PYY: variants seen among roughly 807,000 people sequenced by gnomAD.
PYY encodes the protein peptide tyrosine tyrosine.
Under a neutral mutation model 10.3 loss-of-function variants are expected in PYY, and 12 were observed. That is an observed-to-expected ratio of 1.17 (90% confidence interval 0.75 to 1.89). The LOEUF (loss-of-function observed/expected upper bound fraction) is 1.89, where lower values mean the gene tolerates loss of function less well. PYY is among the 40% of genes most tolerant of loss of function. PYY has a pLI of 0.00. For synonymous variants in PYY, 66 were observed against 62.0 expected (o/e 1.06, Z -0.30); for missense variants, 141 against 134.0 (o/e 1.05, Z -0.26).
chr17:43,965,809 AAAAAAAAAGAG>A (rs1332352359), intron 2 of PYY, among the ~76,000 whole-genome samples: 1 of 150,438 alleles, frequency 6.6e-6, no homozygotes, highest in Non-Finnish European at 1.5e-5. Flanking sequence ...AAAAAAAAAA[AAAAAAAAAGAG>A]AGAGAAACAA....
chr17:43,961,897 C>T (rs1383128604), intron 2 of PYY, among the ~76,000 whole-genome samples: 4 of 152,116 alleles, frequency 2.6e-5, no homozygotes, highest in African/African-American at 9.7e-5. Flanking sequence ...TCAGCTATCT[C>T]TTACCACATT....
chr17:43,967,789 C>T (rs141686653), intron 1 of PYY, among the ~76,000 whole-genome samples: 2 of 152,266 alleles, frequency 1.3e-5, no homozygotes, highest in East Asian at 1.9e-4. Context: ...CAGAATTCAA[C>T]GTTCCACTGA....
At chr17:43,988,958 C>T (rs907694322) in intron 1 of PYY, among the ~76,000 whole-genome samples, 2 of 151,970 alleles carry the variant, frequency 1.3e-5, no homozygotes, top group Non-Finnish European at 2.9e-5. Flanking sequence ...GACAGGGTTT[C>T]GCCATGTTGG....
At chr17:43,972,820 G>A (rs759102960) in intron 1 of PYY, among the ~76,000 whole-genome samples, 1 of 152,112 alleles carries the variant, frequency 6.6e-6, no homozygotes, top group Non-Finnish European at 1.5e-5. Context: ...GAGTTCAAGC[G>A]ATTCTCCTGC....
At chr17:43,982,375 C>A (rs1000926071) in intron 1 of PYY, among the ~76,000 whole-genome samples, 1 of 152,214 alleles carries the variant, frequency 6.6e-6, no homozygotes, top group Non-Finnish European at 1.5e-5. Context: ...GCCCTGAATG[C>A]CTGTGTGCAT....
At chr17:43,962,188 G>A (rs1008354162) in intron 2 of PYY, among the ~76,000 whole-genome samples, 4 of 152,172 alleles carry the variant, frequency 2.6e-5, no homozygotes, top group African/African-American at 9.6e-5. Context: ...ATGTGAGCAA[G>A]AGTGATGTGT....
intron 1 of PYY, among the ~76,000 whole-genome samples, chr17:43,976,404 CATATTCATGTATACATATACATATAT>C: frequency 4.3e-5 from 5 of 116,416 alleles, no homozygotes; most frequent in African/African-American, 1.2e-4. Context: ...TACGTATATA[CATATTCATGTATACATATACATATAT>C]ACACATATAC....
intron 1 of PYY, among the ~76,000 whole-genome samples, chr17:43,979,136 T>C (rs1479037703): frequency 6.6e-6 from 1 of 152,162 alleles, no homozygotes; most frequent in Non-Finnish European, 1.5e-5. Flanking sequence ...TTGATGTGTT[T>C]CCAGCAGTTG....
intron 2 of PYY, among the ~76,000 whole-genome samples, chr17:43,965,789 C>CAAAAAAAAAAAAAA (rs67609128): frequency 1.6e-4 from 5 of 31,932 alleles, no homozygotes; most frequent in African/African-American, 2.3e-4. Context: ...ATCCATCTCA[C>CAAAAAAAAAAAAAA]AAAAAAAAAA....
upstream of PYY, among the ~76,000 whole-genome samples, chr17:43,957,196 CAAAA>C (rs60997602): frequency 4.5e-5 from 3 of 66,612 alleles, no homozygotes; most frequent in South Asian, 4.7e-4. Context: ...AAACTGTCTC[CAAAA>C]AAAAAAAAAA....
chr17:43,969,847 A>C (rs71371953), intron 1 of PYY, among the ~76,000 whole-genome samples: 1 of 151,478 alleles, frequency 6.6e-6, no homozygotes, highest in Non-Finnish European at 1.5e-5. Flanking sequence ...GGGTTCAAGC[A>C]ATTCTCTGCC....
At chr17:43,955,913 G>A (rs572988587), upstream of PYY, among the ~76,000 whole-genome samples, 2 of 152,080 alleles carry the variant, frequency 1.3e-5, no homozygotes, top group Non-Finnish European at 2.9e-5. Context: ...CAGGCTAACG[G>A]GGGCAAGGAT....
In PYY at chr17:43,969,092, G is replaced by A. The variant is rs536021335; in HGVS notation, c.-462-2560C>T. 6.6e-5 allele frequency among the ~76,000 whole-genome samples: 10 copies of A among 151,914 alleles called. No homozygotes were observed. In the South Asian group the frequency reaches 2.1e-3, roughly 32 times the overall value. ...CACTGCACTCCAGTCTGGGCGATAG[G>A]GTGTGACTGCATCTCAAAAAGAAAA... On this transcript the variant is annotated intron_variant, in intron 1 of 6. Transcript: ENST00000360085.
chr17:43,985,421 C>A (rs1227104367), intron 1 of PYY, among the ~76,000 whole-genome samples: 3 of 152,116 alleles, frequency 2.0e-5, no homozygotes, highest in Non-Finnish European at 4.4e-5. Flanking sequence ...ACTCATAGAC[C>A]AGGCTGGTCT....
At chr17:44,000,944 C>T (rs995612086) in intron 1 of PYY, among the ~76,000 whole-genome samples, 1 of 152,280 alleles carries the variant, frequency 6.6e-6, no homozygotes, top group East Asian at 1.9e-4. Flanking sequence ...CATTCCTCTA[C>T]GTACAGATGA....
upstream of PYY, among the ~76,000 whole-genome samples, chr17:43,955,840 G>A (rs1178892508): frequency 6.6e-6 from 1 of 152,014 alleles, no homozygotes; most frequent in Non-Finnish European, 1.5e-5. Context: ...AGGATGGAGG[G>A]AGCAGTGGGG....
At chr17:44,001,088 G>C (rs2049023389) in intron 1 of PYY, among the ~76,000 whole-genome samples, 2 of 152,176 alleles carry the variant, frequency 1.3e-5, no homozygotes, top group African/African-American at 4.8e-5. Flanking sequence ...TACTGTGCAT[G>C]TTTGTGTGTG....
In PYY at chr17:43,953,133, C is replaced by A. The variant is rs756237443; in HGVS notation, c.245G>T (p.Gly82Val). ...CCGCGACCTGACGGGGCGGTCCTCG[C>A]CGTCGGGGAAGAACGTTTTGGAAAG... The part of the protein sequence containing the change: ...TLLSKTFFPD[G>V]EDRPVRSRSE... Residue 82 changes from glycine (G) to valine (V), a missense_variant, in exon 3 of 4, where the codon GGC (glycine) becomes GTC (valine). Transcript: ENST00000692052. The A allele has an allele frequency of 1.2e-6, 2 of 1,614,012 alleles. No individual in the cohort carries two copies. The highest frequency in any genetic ancestry group is 1.7e-6 in the Non-Finnish European group (2 of 1,179,916).
At position 43,952,971 on chromosome 17, in the gene PYY, G is replaced by A; in HGVS notation, c.279C>T (p.Gly93=). 6.4e-7 allele frequency: 1 copy of A among 1,566,214 alleles called. No homozygotes were observed. The highest frequency in any genetic ancestry group is 8.7e-7 in the Non-Finnish European group (1 of 1,155,988). The change falls in exon 4 of 4, where the codon GGC becomes GGT. Residue 93 remains glycine (G), a synonymous_variant. Coordinates refer to ENST00000692052, the MANE Select transcript of PYY (RefSeq NM_001394028.1). ...TCAGGGGTCCTCACCACAGGTCTGG[G>A]CCCTCCGACCTGCGGAAGCGAAGGG... ...EDRPVRSRSE[G]PDLW is the part of the protein sequence containing the mutation.
Sources: allele counts gnomAD v4.1 joint callset (sites outside exome capture counted in the v4.1 genomes callset), GRCh38; gene constraint gnomAD v4.1.1; transcripts MANE v1.5; gene names NCBI Gene and HGNC (gene_info 2026-07-23, HGNC 2026-07-21).